Variants in IQCE observed in about 807,000 individuals in gnomAD.
IQCE encodes the protein IQ domain-containing protein E.
Under a neutral mutation model 96.0 loss-of-function variants are expected in IQCE, and 115 were observed. The ratio of observed to expected loss-of-function variants is 1.20; its 90% confidence interval spans 1.03 to 1.40. The LOEUF (loss-of-function observed/expected upper bound fraction) is 1.40, where lower values mean the gene tolerates loss of function less well. IQCE is among the 40% of genes most tolerant of loss of function. IQCE has a pLI of 0.00. For missense variants in IQCE, 1,041 were observed against 909.1 expected, an observed-to-expected ratio of 1.15 and a Z score of -1.87; for synonymous variants, 412 against 371.2, an observed-to-expected ratio of 1.11 and a Z score of -1.26.
chr7:2,608,763 T>A (rs991294081), intron 21 of IQCE, among the ~76,000 whole-genome samples: 4 of 152,244 alleles, frequency 2.6e-5, no homozygotes, highest in African/African-American at 9.6e-5. Context: ...AGACGCAAGT[T>A]CATCCCCGTG....
intron 11 of IQCE, 55 bp from the exon 12 acceptor site, chr7:2,586,153 A>C (rs948178424): frequency 1.3e-6 from 2 of 1,521,222 alleles, no homozygotes; most frequent in African/African-American, 2.8e-5. Flanking sequence ...CGTTTCAAGC[A>C]TGTGTGAAAC....
intron 13 of IQCE, 73 bp downstream of exon 13, chr7:2,587,950 G>C: frequency 7.3e-7 from 1 of 1,362,926 alleles, no homozygotes; most frequent in Non-Finnish European, 1.0e-6. Context: ...CTCACAGGGT[G>C]CGGAAGGTGG....
intron 1 of IQCE, among the ~76,000 whole-genome samples, chr7:2,564,468 G>A (rs907883302): frequency 1.3e-4 from 20 of 149,212 alleles, no homozygotes; most frequent in African/African-American, 4.0e-4. Flanking sequence ...GCGTGGTGGC[G>A]GCACCTGTAA....
intron 6 of IQCE, among the ~76,000 whole-genome samples, chr7:2,575,175 G>A (rs1047460586): frequency 3.3e-5 from 5 of 152,232 alleles, no homozygotes; most frequent in African/African-American, 1.2e-4. Context: ...GTTTCATCGC[G>A]AGACTCTGAC....
At chr7:2,560,442 A>G (rs4721814) in intron 1 of IQCE, among the ~76,000 whole-genome samples, 31,431 of 152,088 alleles carry the variant, frequency 0.21, 4,496 homozygotes, top group African/African-American at 0.4. Flanking sequence ...CACAGGGTTC[A>G]GCACAGCTGC....
At position 2,585,796 on chromosome 7, in the gene IQCE, A is replaced by G. The variant is rs77064290; in HGVS notation, c.825-412A>G. Among the ~76,000 whole-genome samples the G allele has an allele frequency of 5.4e-3, 825 of 152,342 alleles. 11 individuals are homozygous for G. Among genetic ancestry groups the G allele is most frequent in the African/African-American group, 0.019 (789 of 41,580 alleles). On this transcript the variant is annotated intron_variant, in intron 11 of 21. Coordinates refer to ENST00000402050, the MANE Select transcript of IQCE (RefSeq NM_152558.5). Reference sequence around the variant, plus strand: ...TTTCGGCTGATGGATCCATTTTAGCAGCAAGCACATTTGCAATTACGGGAC... The same window carrying G: ...TTTCGGCTGATGGATCCATTTTAGCGGCAAGCACATTTGCAATTACGGGAC...
intron 12 of IQCE, among the ~76,000 whole-genome samples, chr7:2,587,401 G>A (rs777028839): frequency 2.6e-5 from 4 of 151,368 alleles, no homozygotes; most frequent in Admixed American, 1.3e-4. Context: ...TGAACTTGGC[G>A]GTATATGGGG....
intron 2 of IQCE, among the ~76,000 whole-genome samples, chr7:2,567,945 G>C (rs996705047): frequency 6.6e-6 from 1 of 152,200 alleles, no homozygotes; most frequent in African/African-American, 2.4e-5. Context: ...CCAAGCCCCA[G>C]GGAAAATTCC....
At chr7:2,606,594 G>A (rs995178819) in intron 20 of IQCE, among the ~76,000 whole-genome samples, 2 of 152,146 alleles carry the variant, frequency 1.3e-5, no homozygotes, top group African/African-American at 4.8e-5. Context: ...ATCACAGACT[G>A]CTCTGGTTCT....
Position 2,573,268 on chromosome 7 carries a change from G to C in IQCE, c.395-150G>C. The C allele has an allele frequency of 7.0e-6, 4 of 569,318 alleles. No homozygotes were observed. In the South Asian group the frequency reaches 8.0e-5, roughly 11 times the overall value. 35.3% of individuals were successfully genotyped at this position (569,318 alleles called of 1,614,324 possible). A position where few individuals can be genotyped will look rare whatever the true frequency, so the allele number is the denominator to read the frequency against. On this transcript the variant is annotated intron_variant, in intron 5 of 21. Transcript: ENST00000402050. ...TACTTGGTGTGAAGTATCATGATCAGGCTGGAAAACATGGAATTATTTTGG... is the reference window on the plus strand; with the variant it reads ...TACTTGGTGTGAAGTATCATGATCACGCTGGAAAACATGGAATTATTTTGG...
intron 1 of IQCE, among the ~76,000 whole-genome samples, chr7:2,561,419 A>G (rs910912019): frequency 1.3e-5 from 2 of 151,002 alleles, no homozygotes; most frequent in Non-Finnish European, 2.9e-5. Context: ...AATATATACA[A>G]TAATTTTTTT....
In IQCE at chr7:2,607,110, C is replaced by CACAGCGATCCG. The variant is rs1784889393; in HGVS notation, c.1866-14_1866-13insACAGCGATCCG. ...TAAAAGCAGAATCAGCTGGCGTTTT[C>CACAGCGATCCG]TGTTTTTTTCCAGTGCTACCGGTAA... On this transcript the variant is annotated splice_polypyrimidine_tract_variant and intron_variant, in intron 20 of 21. Coordinates refer to ENST00000402050, the MANE Select transcript of IQCE (RefSeq NM_152558.5). 6.3e-7 allele frequency: 1 copy of CACAGCGATCCG among 1,580,156 alleles called. No individual in the cohort carries two copies. The highest frequency in any genetic ancestry group is 1.2e-5 in the South Asian group (1 of 86,376).
At chr7:2,602,237 A>G (rs1324892965) in intron 18 of IQCE, among the ~76,000 whole-genome samples, 9 of 152,210 alleles carry the variant, frequency 5.9e-5, no homozygotes, top group Admixed American at 4.6e-4. Flanking sequence ...CCGGTGGGAC[A>G]AGGAGTCTGA....
At chr7:2,576,992 G>C (rs1782177172) in intron 6 of IQCE, among the ~76,000 whole-genome samples, 1 of 152,116 alleles carries the variant, frequency 6.6e-6, no homozygotes, top group African/African-American at 2.4e-5. Context: ...GGTTCCGTTG[G>C]TATCTAGGGT....
chr7:2,565,682 C>G (rs1399242221), intron 1 of IQCE, among the ~76,000 whole-genome samples: 4 of 152,112 alleles, frequency 2.6e-5, no homozygotes, highest in Admixed American at 6.6e-5. Flanking sequence ...TCCCGGCCTG[C>G]CCTTCCTCAA....
At chr7:2,574,957 C>T (rs1277385605) in intron 6 of IQCE, among the ~76,000 whole-genome samples, 1 of 152,222 alleles carries the variant, frequency 6.6e-6, no homozygotes, top group Non-Finnish European at 1.5e-5. Context: ...CGCTGAGACG[C>T]CCACCCTGTG....
At chr7:2,609,311 CTT>C (rs58620813) in intron 21 of IQCE, among the ~76,000 whole-genome samples, 26,739 of 139,566 alleles carry the variant, frequency 0.19, 2,422 homozygotes, top group Admixed American at 0.28. Context: ...GGGAAGTTGG[CTT>C]TTTTTTTTTT....
intron 9 of IQCE, 60 bp from the exon 10 acceptor site, chr7:2,583,577 C>A: frequency 7.5e-7 from 1 of 1,340,088 alleles, no homozygotes; most frequent in South Asian, 1.2e-5. Flanking sequence ...AACTCTTCCT[C>A]TTGCTCTGTC....
At chr7:2,604,038 G>GATCC (rs1229354657) in intron 18 of IQCE, among the ~76,000 whole-genome samples, 2 of 150,382 alleles carry the variant, frequency 1.3e-5, no homozygotes, top group Non-Finnish European at 2.9e-5. Flanking sequence ...ACCCAGGCTG[G>GATCC]AGTGCAGTGG....
Sources: gnomAD v4.1 joint callset for allele counts (sites outside exome capture counted in the v4.1 genomes callset) on GRCh38, gnomAD v4.1.1 for gene constraint, MANE v1.5 for transcripts, NCBI Gene and HGNC (gene_info 2026-07-23, HGNC 2026-07-21) for gene names.